The following LRRC4C variants were observed in gnomAD, a reference collection of about 807,000 sequenced individuals.
The protein encoded by LRRC4C is leucine rich repeat containing 4C.
Under a neutral mutation model 33.6 loss-of-function variants are expected in LRRC4C, and 5 were observed. The ratio of observed to expected loss-of-function variants is 0.15; its 90% CI spans 0.08 to 0.31. The LOEUF (loss-of-function observed/expected upper bound fraction) is 0.31. LRRC4C is among the 10% of genes least tolerant of loss of function. The probability of loss-of-function intolerance (pLI) is 1.00; values close to 1 mark genes in which losing one functional copy is unlikely to be tolerated. For synonymous variants in LRRC4C, 329 were observed against 302.0 expected (o/e 1.09, Z -0.93); for missense variants, 560 against 796.7 (o/e 0.70, Z 3.58).
At chr11:40,812,214 A>T (rs1271646014) in intron 2 of LRRC4C, among the ~76,000 whole-genome samples, 3 of 152,326 alleles carry the variant, frequency 2.0e-5, no homozygotes, top group Non-Finnish European at 4.4e-5. Context: ...TTGTAGGAAC[A>T]GACTGTAGTA....
intron 2 of LRRC4C, among the ~76,000 whole-genome samples, chr11:40,871,164 A>G (rs1238921818): frequency 6.6e-6 from 1 of 150,488 alleles, no homozygotes; most frequent in African/African-American, 2.4e-5. Context: ...AGATGTTATC[A>G]ATGAAAATGC....
intron 1 of LRRC4C, among the ~76,000 whole-genome samples, chr11:40,959,334 T>C (rs1291563559): frequency 6.6e-6 from 1 of 151,702 alleles, no homozygotes; most frequent in Non-Finnish European, 1.5e-5. Context: ...GTCCAGAATA[T>C]TCCAGGTTTA....
intron 3 of LRRC4C, among the ~76,000 whole-genome samples, chr11:40,381,120 C>G (rs1349390896): frequency 6.6e-6 from 1 of 151,508 alleles, no homozygotes; most frequent in African/African-American, 2.4e-5. Context: ...CAAACATCCA[C>G]AAGCCTGAAT....
intron 1 of LRRC4C, among the ~76,000 whole-genome samples, chr11:41,320,021 G>C (rs1950911096): frequency 6.6e-6 from 1 of 152,082 alleles, no homozygotes; most frequent in Non-Finnish European, 1.5e-5. Context: ...TACAAATAGA[G>C]GGGGGCACAA....
intron 1 of LRRC4C, among the ~76,000 whole-genome samples, chr11:41,197,718 A>G (rs1399840360): frequency 6.6e-6 from 1 of 151,968 alleles, no homozygotes; most frequent in Non-Finnish European, 1.5e-5. Flanking sequence ...GCCTCTTCCA[A>G]GTTACTTCTC....
intron 3 of LRRC4C, among the ~76,000 whole-genome samples, chr11:40,445,081 C>T (rs1323505172): frequency 2.0e-4 from 31 of 152,150 alleles, no homozygotes; most frequent in Admixed American, 6.6e-5. Context: ...ACCACAGAAA[C>T]GGTATTTGTT....
At chr11:40,886,136 T>G (rs927496991) in intron 2 of LRRC4C, among the ~76,000 whole-genome samples, 1 of 152,120 alleles carries the variant, frequency 6.6e-6, no homozygotes, top group African/African-American at 2.4e-5. Context: ...AATACACTTA[T>G]ATTTATTTAT....
At chr11:40,688,658 A>C (rs1463223070) in intron 2 of LRRC4C, among the ~76,000 whole-genome samples, 7 of 152,170 alleles carry the variant, frequency 4.6e-5, no homozygotes. Context: ...CGTCAGTGGA[A>C]AGGTCAGAGG....
At chr11:40,870,356 C>G (rs1466326996) in intron 2 of LRRC4C, among the ~76,000 whole-genome samples, 1 of 151,936 alleles carries the variant, frequency 6.6e-6, no homozygotes, top group Non-Finnish European at 1.5e-5. Flanking sequence ...TAGTATGTAC[C>G]TGGTATATGC....
At chr11:41,244,120 C>T (rs10501254) in intron 1 of LRRC4C, among the ~76,000 whole-genome samples, 27,146 of 151,736 alleles carry the variant, frequency 0.18, 2,995 homozygotes, top group East Asian at 0.44. Flanking sequence ...GTGACTTTAG[C>T]AGTTTATTGG....
In LRRC4C at chr11:41,051,321, C is replaced by T. The variant is rs557450337; in HGVS notation, c.-495-117598G>A. 2.0e-4 allele frequency among the ~76,000 whole-genome samples: 30 copies of T among 152,056 alleles called. No homozygotes were observed. In the Middle Eastern group the frequency reaches 0.01, roughly 52 times the overall value. ...AAGAGGTGAACGATGAATACAATAT[C>T]AAGTCTTTCATACATTTTGTATTGG... On this transcript the variant is annotated intron_variant, in intron 1 of 6. Coordinates refer to ENST00000528697, the MANE Select transcript of LRRC4C (RefSeq NM_001258419.2).
chr11:41,358,723 GACA>G (rs1391642154), intron 1 of LRRC4C, among the ~76,000 whole-genome samples: 2 of 152,098 alleles, frequency 1.3e-5, no homozygotes, highest in African/African-American at 4.8e-5. Context: ...CTGGAACACT[GACA>G]ACATCAAATG....
At chr11:40,359,509 A>T (rs139643734) in intron 3 of LRRC4C, among the ~76,000 whole-genome samples, 1 of 152,160 alleles carries the variant, frequency 6.6e-6, no homozygotes, top group African/African-American at 2.4e-5. Context: ...TTTAGTTGGG[A>T]TGTGTATACA....
At chr11:40,993,329 G>A (rs1206180826) in intron 1 of LRRC4C, among the ~76,000 whole-genome samples, 1 of 151,978 alleles carries the variant, frequency 6.6e-6, no homozygotes, top group Admixed American at 6.6e-5. Context: ...TCAGTTAGAT[G>A]ATCTTAGAGG....
chr11:40,628,003 G>A (rs979169820), intron 3 of LRRC4C, among the ~76,000 whole-genome samples: 2 of 152,094 alleles, frequency 1.3e-5, no homozygotes, highest in African/African-American at 4.8e-5. Flanking sequence ...GTTGATTTGA[G>A]CATCAAGTCT....
At chr11:40,538,025 G>A (rs2135364270) in intron 3 of LRRC4C, among the ~76,000 whole-genome samples, 1 of 152,270 alleles carries the variant, frequency 6.6e-6, no homozygotes, top group South Asian at 2.1e-4. Context: ...GCTTATTACA[G>A]TTTGAACACT....
intron 2 of LRRC4C, among the ~76,000 whole-genome samples, chr11:40,743,962 T>G (rs1306562269): frequency 6.6e-6 from 1 of 152,162 alleles, no homozygotes; most frequent in Non-Finnish European, 1.5e-5. Context: ...TTTTTCCTTC[T>G]GCCTCTGTAT....
At chr11:40,921,139 T>C (rs571645806) in intron 2 of LRRC4C, among the ~76,000 whole-genome samples, 71 of 152,078 alleles carry the variant, frequency 4.7e-4, no homozygotes, top group Admixed American at 3.4e-3. Flanking sequence ...TCAGGACTGG[T>C]CTCAATCTCC....
intron 2 of LRRC4C, among the ~76,000 whole-genome samples, chr11:40,714,231 A>G (rs896675518): frequency 1.3e-5 from 2 of 152,136 alleles, no homozygotes; most frequent in Non-Finnish European, 2.9e-5. Flanking sequence ...CTCAGCCAGA[A>G]CCACCATGTC....
Sources: allele counts gnomAD v4.1 joint callset (sites outside exome capture counted in the v4.1 genomes callset), GRCh38; gene constraint gnomAD v4.1.1; transcripts MANE v1.5; gene names NCBI Gene and HGNC (gene_info 2026-07-23, HGNC 2026-07-21).